The following SYT14 variants were observed in gnomAD, a reference collection of about 807,000 sequenced individuals.
SYT14 encodes synaptotagmin 14, also known as synaptotagmin-14.
In SYT14, 32 loss-of-function variants were observed where a neutral mutation model predicts 74.2. The ratio of observed to expected loss-of-function variants is 0.43; its 90% CI spans 0.33 to 0.58. SYT14 has a LOEUF of 0.58. SYT14 is among the 20% of genes least tolerant of loss of function. The probability of loss-of-function intolerance (pLI) is 0.05; values close to 1 mark genes in which losing one functional copy is unlikely to be tolerated. For missense variants in SYT14, 791 were observed against 981.8 expected (o/e 0.81, Z 2.60); for synonymous variants, 298 against 337.7 (o/e 0.88, Z 1.29).
At chr1:210,147,189 A>G (rs542951929) in intron 7 of SYT14, among the ~76,000 whole-genome samples, 1 of 152,200 alleles carries the variant, frequency 6.6e-6, no homozygotes, top group East Asian at 1.9e-4. Context: ...AGAATAAGAC[A>G]ATGTGGGAAA....
At chr1:210,032,112 AT>A (rs932088237) in intron 5 of SYT14, among the ~76,000 whole-genome samples, 9 of 151,268 alleles carry the variant, frequency 5.9e-5, no homozygotes, top group African/African-American at 1.5e-4. Context: ...TCATATGGTG[AT>A]TTTTTTTTCA....
At chr1:210,041,582 G>A (rs1359021663) in intron 5 of SYT14, among the ~76,000 whole-genome samples, 1 of 152,068 alleles carries the variant, frequency 6.6e-6, no homozygotes, top group Non-Finnish European at 1.5e-5. Context: ...AGTGAAAAAA[G>A]CAAAGTGTAG....
intron 7 of SYT14, among the ~76,000 whole-genome samples, chr1:210,108,036 A>G (rs2082190720): frequency 6.6e-6 from 1 of 152,198 alleles, no homozygotes; most frequent in African/African-American, 2.4e-5. Flanking sequence ...TAAGTCCTTG[A>G]AGGGATGGGA....
intron 5 of SYT14, among the ~76,000 whole-genome samples, chr1:210,091,597 G>A (rs2081869018): frequency 1.3e-5 from 2 of 152,144 alleles, no homozygotes; most frequent in African/African-American, 4.8e-5. Flanking sequence ...GGCTGAGGAG[G>A]GAGGATCACT....
chr1:210,067,639 G>A (rs537079221), intron 5 of SYT14, among the ~76,000 whole-genome samples: 2 of 151,888 alleles, frequency 1.3e-5, no homozygotes, highest in South Asian at 4.2e-4. Context: ...CATCTTAAAC[G>A]TATTTTTAAA....
At chr1:210,122,800 C>T (rs879618879) in intron 7 of SYT14, among the ~76,000 whole-genome samples, 1 of 152,020 alleles carries the variant, frequency 6.6e-6, no homozygotes, top group Non-Finnish European at 1.5e-5. Flanking sequence ...TATTCCATAC[C>T]GTGAATTGTA....
intron 5 of SYT14, among the ~76,000 whole-genome samples, chr1:210,048,012 G>T (rs569929504): frequency 1.3e-5 from 2 of 152,220 alleles, no homozygotes; most frequent in East Asian, 3.9e-4. Context: ...CTCCATTTTG[G>T]AAGACCTTTT....
At chr1:209,938,359 G>T in intron 1 of SYT14, 82 bp downstream of exon 1, 3 of 1,423,810 alleles carry the variant, frequency 2.1e-6, no homozygotes, top group Non-Finnish European at 2.9e-6. Context: ...GCAGGCCGAG[G>T]CGCTGACGGG....
chr1:210,140,214 T>C lies in SYT14; in HGVS notation c.2035-15507T>C, dbSNP rs546927927. Among the ~76,000 whole-genome samples the C allele has an allele frequency of 1.1e-3, 173 of 152,326 alleles. 1 individual carries two copies. Among genetic ancestry groups the C allele is most frequent in the African/African-American group, 3.9e-3 (162 of 41,582 alleles). On this transcript the variant is annotated intron_variant, in intron 7 of 9. Transcript: ENST00000637265. ...TTTGTATTTCCCTAATGACTAATGA[T>C]GTTGAGCATCTTTTCATGTGCTTAT...
intron 5 of SYT14, among the ~76,000 whole-genome samples, chr1:210,066,765 A>G (rs1572241233): frequency 6.6e-6 from 1 of 152,050 alleles, no homozygotes; most frequent in East Asian, 1.9e-4. Context: ...TTTTGTAGGT[A>G]TGTCTTTATT....
At chr1:210,099,225 A>G (rs1165535200) in intron 6 of SYT14, among the ~76,000 whole-genome samples, 1 of 152,158 alleles carries the variant, frequency 6.6e-6, no homozygotes, top group Non-Finnish European at 1.5e-5. Flanking sequence ...CCCCTATTAC[A>G]TTCTAGATAG....
chr1:210,045,088 T>C (rs2102357257), intron 5 of SYT14, among the ~76,000 whole-genome samples: 1 of 152,318 alleles, frequency 6.6e-6, no homozygotes, highest in African/African-American at 2.4e-5. Flanking sequence ...AATAATAATA[T>C]ATCTACTTTC....
At chr1:209,965,827 T>G in intron 2 of SYT14, 1 of 432,220 alleles carries the variant, frequency 2.3e-6, no homozygotes, top group South Asian at 1.7e-5. Context: ...GCCTTTATCC[T>G]TTTGTATCAA....
chr1:210,137,084 G>A (rs1323206076), intron 7 of SYT14, among the ~76,000 whole-genome samples: 1 of 152,144 alleles, frequency 6.6e-6, no homozygotes, highest in Non-Finnish European at 1.5e-5. Context: ...ACATATGCTT[G>A]AAAATTTTAT....
At chr1:210,080,496 T>C (rs2081597613) in intron 5 of SYT14, among the ~76,000 whole-genome samples, 1 of 152,186 alleles carries the variant, frequency 6.6e-6, no homozygotes, top group African/African-American at 2.4e-5. Flanking sequence ...ACAGAAAATA[T>C]AGTGTGAGTT....
chr1:209,943,468 C>T (rs1040623186), intron 1 of SYT14, among the ~76,000 whole-genome samples: 3 of 130,594 alleles, frequency 2.3e-5, no homozygotes, highest in Non-Finnish European at 3.1e-5. Flanking sequence ...AAGATCGTGC[C>T]ACTGCACTTC....
At chr1:210,160,379 T>TG (rs2083348541) in intron 9 of SYT14, among the ~76,000 whole-genome samples, 1 of 149,406 alleles carries the variant, frequency 6.7e-6, no homozygotes, top group South Asian at 2.1e-4. Context: ...TCCTGCTTAG[T>TG]GAAGCTAAAT....
At chr1:210,052,713 C>T (rs2081025380) in intron 5 of SYT14, among the ~76,000 whole-genome samples, 1 of 129,336 alleles carries the variant, frequency 7.7e-6, no homozygotes, top group African/African-American at 3.1e-5. Context: ...CAACGGCATT[C>T]TAAAGCAATT....
Position 209,981,408 on chromosome 1 carries a change from G to A in SYT14, c.-486+28652G>A, listed in dbSNP as rs557020412. 5.9e-5 allele frequency among the ~76,000 whole-genome samples: 8 copies of A among 135,060 alleles called. No homozygotes were observed. The South Asian group carries it at 1.9e-3, about 33-fold the overall frequency. The allele number at this position is 135,060 out of a possible 152,430, so 88.6% of individuals were successfully genotyped here. A position where few individuals can be genotyped will look rare whatever the true frequency, so the allele number is the denominator to read the frequency against. On this transcript the variant is annotated intron_variant, in intron 2 of 9. Coordinates refer to ENST00000637265, the Ensembl canonical transcript of SYT14. ...AGTTTGGTGGAATATGAAATTCTTTGTTGAAATTTCTTTTCTTTCTTTTTC... is the reference window on the plus strand; with the variant it reads ...AGTTTGGTGGAATATGAAATTCTTTATTGAAATTTCTTTTCTTTCTTTTTC...
Sources: gnomAD v4.1 joint callset for allele counts (sites outside exome capture counted in the v4.1 genomes callset) on GRCh38, gnomAD v4.1.1 for gene constraint, MANE v1.5 for transcripts, NCBI Gene and HGNC (gene_info 2026-07-23, HGNC 2026-07-21) for gene names.